Variants in ZFAND3 observed in about 807,000 individuals in gnomAD.
ZFAND3 encodes the protein zinc finger AN1-type containing 3, also known as AN1-type zinc finger protein 3.
In ZFAND3, 10 loss-of-function variants were observed where a neutral mutation model predicts 29.6. That is an observed-to-expected ratio of 0.34 (90% CI 0.21 to 0.57). The LOEUF (loss-of-function observed/expected upper bound fraction) is 0.57. Ranked by LOEUF, ZFAND3 falls within the 20% of genes least tolerant of loss-of-function variation. ZFAND3 has a pLI of 0.86. For missense variants in ZFAND3, 230 were observed against 304.5 expected (o/e 0.76, Z 1.82); for synonymous variants, 128 against 112.6 (o/e 1.14, Z -0.87).
At chr6:37,880,890 T>G (rs1428185302) in intron 1 of ZFAND3, among the ~76,000 whole-genome samples, 1 of 146,598 alleles carries the variant, frequency 6.8e-6, no homozygotes, top group African/African-American at 2.5e-5. Context: ...AGGGATAGCA[T>G]TGGGAGATAT....
chr6:38,150,984 G>A (rs1766210743), intron 5 of ZFAND3, among the ~76,000 whole-genome samples: 1 of 152,164 alleles, frequency 6.6e-6, no homozygotes, highest in Admixed American at 6.5e-5. Context: ...AGGTGATGAG[G>A]AGCCAGCCAG....
intron 1 of ZFAND3, among the ~76,000 whole-genome samples, chr6:37,888,328 C>A (rs1391016928): frequency 2.6e-5 from 4 of 152,146 alleles, no homozygotes; most frequent in African/African-American, 7.2e-5. Context: ...TGTAATAGAT[C>A]AGCTTGACTT....
rs79308819 is a variant in ZFAND3, at chr6:37,953,069, C to T, written c.112+23070C>T. On this transcript the variant is annotated intron_variant, in intron 2 of 5. Transcript: ENST00000287218. ...AGTAGGTAGTTGAGTGTTGCTTTGA[C>T]GTGTACTACAAGTCTTTACCTTTTA... 7.6e-3 allele frequency among the ~76,000 whole-genome samples: 1,154 copies of T among 151,882 alleles called. 13 individuals are homozygous for T. The highest frequency in any genetic ancestry group is 0.026 in the African/African-American group (1,096 of 41,376).
At chr6:38,045,389 A>T (rs1424102841) in intron 2 of ZFAND3, among the ~76,000 whole-genome samples, 1 of 152,144 alleles carries the variant, frequency 6.6e-6, no homozygotes, top group Non-Finnish European at 1.5e-5. Flanking sequence ...GTGCCCGGCC[A>T]TTCCTATGTC....
At chr6:38,023,719 A>G (rs146444395) in intron 2 of ZFAND3, among the ~76,000 whole-genome samples, 1 of 152,338 alleles carries the variant, frequency 6.6e-6, no homozygotes, top group African/African-American at 2.4e-5. Flanking sequence ...AAAAATCCAG[A>G]ACAATTCAAG....
chr6:37,854,305 C>G (rs1764337206), intron 1 of ZFAND3, among the ~76,000 whole-genome samples: 1 of 152,124 alleles, frequency 6.6e-6, no homozygotes. Flanking sequence ...AGGAGGAAAA[C>G]AACAGATAAA....
At chr6:38,029,284 AG>A (rs769676264) in intron 2 of ZFAND3, among the ~76,000 whole-genome samples, 3 of 152,184 alleles carry the variant, frequency 2.0e-5, no homozygotes, top group African/African-American at 4.8e-5. Context: ...TGCTGATCTC[AG>A]GGTAACCAGA....
chr6:38,107,954 TTGAA>T (rs537400982), intron 4 of ZFAND3, among the ~76,000 whole-genome samples: 106 of 152,174 alleles, frequency 7.0e-4, no homozygotes, highest in African/African-American at 2.5e-3. Context: ...CTCACGTTAT[TTGAA>T]TGAATGAACA....
At chr6:37,891,296 A>G (rs1222323805) in intron 1 of ZFAND3, among the ~76,000 whole-genome samples, 2 of 151,728 alleles carry the variant, frequency 1.3e-5, no homozygotes, top group Non-Finnish European at 2.9e-5. Flanking sequence ...GGTTGTTACC[A>G]TTTTTTGTTT....
chr6:37,831,394 A>G (rs1763858446), intron 1 of ZFAND3, among the ~76,000 whole-genome samples: 2 of 152,356 alleles, frequency 1.3e-5, no homozygotes, highest in African/African-American at 4.8e-5. Context: ...GCCATTTTCC[A>G]GAGCCAGTCC....
At chr6:37,852,767 GTGCAGTGGCA>G (rs2127379867) in intron 1 of ZFAND3, among the ~76,000 whole-genome samples, 1 of 149,288 alleles carries the variant, frequency 6.7e-6, no homozygotes, top group East Asian at 2.0e-4. Context: ...CCAGGCTGCA[GTGCAGTGGCA>G]TGATCTCGGC....
chr6:38,023,911 C>T (rs144706713), intron 2 of ZFAND3, among the ~76,000 whole-genome samples: 5 of 151,874 alleles, frequency 3.3e-5, no homozygotes, highest in Non-Finnish European at 5.9e-5. Flanking sequence ...CCCAGCTACT[C>T]GGGAGGCTGA....
intron 5 of ZFAND3, among the ~76,000 whole-genome samples, chr6:38,140,919 G>A (rs1204842570): frequency 6.6e-6 from 1 of 152,202 alleles, no homozygotes; most frequent in Non-Finnish European, 1.5e-5. Flanking sequence ...TTCAGGGCAG[G>A]TGTTTTTAAA....
chr6:37,951,428 T>TA (rs1441943384), intron 2 of ZFAND3, among the ~76,000 whole-genome samples: 4 of 151,942 alleles, frequency 2.6e-5, no homozygotes, highest in Non-Finnish European at 5.9e-5. Context: ...CCGTCTCTAC[T>TA]AAAAATACAA....
chr6:37,824,229 A>G (rs1763719168), intron 1 of ZFAND3, among the ~76,000 whole-genome samples: 1 of 152,270 alleles, frequency 6.6e-6, no homozygotes, highest in Non-Finnish European at 1.5e-5. Context: ...GTTGTATCTG[A>G]AATGAAATAG....
intron 2 of ZFAND3, among the ~76,000 whole-genome samples, chr6:38,047,328 A>AT (rs1763924166): frequency 6.7e-6 from 1 of 150,078 alleles, no homozygotes. Context: ...AAAAAAAAAA[A>AT]GAAAAGAAAT....
At chr6:38,129,217 G>T (rs959424940) in intron 5 of ZFAND3, among the ~76,000 whole-genome samples, 13 of 152,100 alleles carry the variant, frequency 8.5e-5, no homozygotes, top group Non-Finnish European at 5.9e-5. Context: ...GTAGATTCTG[G>T]ATATTAGTCC....
intron 1 of ZFAND3, among the ~76,000 whole-genome samples, chr6:37,908,478 A>G (rs1765449601): frequency 6.6e-6 from 1 of 151,082 alleles, no homozygotes; most frequent in Non-Finnish European, 1.5e-5. Context: ...AGCATTAGGT[A>G]TATACTAACC....
At chr6:37,929,762 T>TG (rs1191776659) in intron 1 of ZFAND3, among the ~76,000 whole-genome samples, 197 bp from the exon 2 acceptor site, 1 of 119,436 alleles carries the variant, frequency 8.4e-6, no homozygotes, top group African/African-American at 3.1e-5. Flanking sequence ...TTTATATTTT[T>TG]GTTTTTTTTT....
Sources: allele counts gnomAD v4.1 joint callset (sites outside exome capture counted in the v4.1 genomes callset), GRCh38; gene constraint gnomAD v4.1.1; transcripts MANE v1.5; gene names NCBI Gene and HGNC (gene_info 2026-07-23, HGNC 2026-07-21).